MAML2: variants seen among roughly 807,000 people sequenced by gnomAD.
MAML2 encodes mastermind like transcriptional coactivator 2.
MAML2 carries 22 observed loss-of-function variants against 96.1 expected under a neutral mutation model. The ratio of observed to expected loss-of-function variants is 0.23; its 90% CI spans 0.16 to 0.33. The LOEUF (loss-of-function observed/expected upper bound fraction) is 0.33, where lower values mean the gene tolerates loss of function less well. MAML2 is among the 10% of genes least tolerant of loss of function. The probability of loss-of-function intolerance (pLI) is 1.00; values close to 1 mark genes in which losing one functional copy is unlikely to be tolerated. For synonymous variants in MAML2, 561 were observed against 521.3 expected, an observed-to-expected ratio of 1.08 and a Z score of -1.04; for missense variants, 1,367 against 1,392.4, an observed-to-expected ratio of 0.98 and a Z score of 0.29.
At chr11:96,026,703 A>T (rs1187617403) in intron 2 of MAML2, among the ~76,000 whole-genome samples, 1 of 152,006 alleles carries the variant, frequency 6.6e-6, no homozygotes, top group African/African-American at 2.4e-5. Context: ...AAAAGAATCC[A>T]TTTATATTTA....
At chr11:96,328,453 C>A (rs1278138347) in intron 1 of MAML2, among the ~76,000 whole-genome samples, 1 of 151,830 alleles carries the variant, frequency 6.6e-6, no homozygotes, top group Admixed American at 6.6e-5. Context: ...TGACCTTGCT[C>A]ACTTTATGCT....
intron 1 of MAML2, among the ~76,000 whole-genome samples, chr11:96,141,814 T>C (rs769255669): frequency 2.5e-4 from 38 of 152,204 alleles, no homozygotes; most frequent in Non-Finnish European, 5.1e-4. Flanking sequence ...ACCGCCTCCA[T>C]GTCCACATCG....
intron 1 of MAML2, among the ~76,000 whole-genome samples, chr11:96,137,653 A>G (rs186910961): frequency 2.8e-4 from 43 of 152,316 alleles, no homozygotes; most frequent in Non-Finnish European, 2.4e-4. Context: ...CTCCATTTTA[A>G]TATACTACAC....
At chr11:96,128,160 G>C (rs1446416475) in intron 1 of MAML2, among the ~76,000 whole-genome samples, 1 of 152,086 alleles carries the variant, frequency 6.6e-6, no homozygotes, top group African/African-American at 2.4e-5. Context: ...TTGGGAGGCC[G>C]AGGCGGGTGG....
intron 1 of MAML2, among the ~76,000 whole-genome samples, chr11:96,196,114 T>C (rs1861726610): frequency 6.6e-6 from 1 of 152,168 alleles, no homozygotes. Context: ...AACAATTACA[T>C]TGTTAGAGAG....
chr11:95,989,363 C>G (rs763328961), intron 3 of MAML2, among the ~76,000 whole-genome samples: 12 of 152,236 alleles, frequency 7.9e-5, no homozygotes, highest in Non-Finnish European at 1.5e-4. Context: ...CATTCTCATT[C>G]ATCTCACAGT....
chr11:96,323,305 T>C (rs903562952), intron 1 of MAML2, among the ~76,000 whole-genome samples: 1 of 152,164 alleles, frequency 6.6e-6, no homozygotes, highest in Non-Finnish European at 1.5e-5. Context: ...ATCCATTTTT[T>C]TTAAACACAT....
At chr11:96,232,025 T>A (rs1862300310) in intron 1 of MAML2, among the ~76,000 whole-genome samples, 1 of 152,212 alleles carries the variant, frequency 6.6e-6, no homozygotes. Flanking sequence ...AACTAATAAA[T>A]TAGAATCAAT....
chr11:96,218,163 C>G (rs1296533855), intron 1 of MAML2, among the ~76,000 whole-genome samples: 1 of 152,164 alleles, frequency 6.6e-6, no homozygotes, highest in Non-Finnish European at 1.5e-5. Context: ...CTAGAAAAAA[C>G]GTTTGGTGTG....
chr11:96,259,844 T>C (rs935228334), intron 1 of MAML2, among the ~76,000 whole-genome samples: 3 of 152,128 alleles, frequency 2.0e-5, no homozygotes, highest in African/African-American at 7.2e-5. Flanking sequence ...TGACAGGGCC[T>C]GATTCTAGAG....
intron 1 of MAML2, among the ~76,000 whole-genome samples, chr11:96,213,027 G>A (rs539717968): frequency 6.6e-6 from 1 of 152,258 alleles, no homozygotes; most frequent in South Asian, 2.1e-4. Flanking sequence ...AGCATACCAA[G>A]AGCCCATCTG....
intron 1 of MAML2, among the ~76,000 whole-genome samples, chr11:96,163,127 C>T (rs1009619000): frequency 6.6e-5 from 10 of 152,248 alleles, no homozygotes; most frequent in South Asian, 6.2e-4. Flanking sequence ...ATAAACGTTC[C>T]GTAGTTTAAA....
intron 1 of MAML2, among the ~76,000 whole-genome samples, chr11:96,243,974 C>T (rs1219315934): frequency 1.3e-5 from 2 of 152,252 alleles, no homozygotes; most frequent in Non-Finnish European, 2.9e-5. Flanking sequence ...CATAGGTACT[C>T]AGGTCCGCTG....
intron 1 of MAML2, among the ~76,000 whole-genome samples, chr11:96,165,769 A>G (rs1440107701): frequency 1.3e-5 from 2 of 152,254 alleles, no homozygotes; most frequent in Admixed American, 6.5e-5. Context: ...CCTGGGGGCA[A>G]CCCAGGGTAT....
At chr11:96,299,497 T>C (rs1863356662) in intron 1 of MAML2, among the ~76,000 whole-genome samples, 1 of 152,046 alleles carries the variant, frequency 6.6e-6, no homozygotes, top group South Asian at 2.1e-4. Context: ...CTGGAGCAGC[T>C]GAGACTCTCC....
intron 2 of MAML2, 74 bp downstream of exon 2, chr11:96,091,818 A>G: frequency 6.6e-7 from 1 of 1,526,230 alleles, no homozygotes; most frequent in Non-Finnish European, 8.8e-7. Flanking sequence ...ATACAAACAT[A>G]ATGGTAACCA....
intron 1 of MAML2, among the ~76,000 whole-genome samples, chr11:96,213,476 T>G (rs940935977): frequency 2.0e-5 from 3 of 152,224 alleles, no homozygotes; most frequent in African/African-American, 7.2e-5. Flanking sequence ...AAACCACTGT[T>G]ACTCTTATAA....
intron 1 of MAML2, among the ~76,000 whole-genome samples, chr11:96,273,900 C>G (rs1278667678): frequency 6.6e-6 from 1 of 152,020 alleles, no homozygotes; most frequent in Non-Finnish European, 1.5e-5. Flanking sequence ...ATTTACTAAA[C>G]TCTTTGGATT....
At chr11:96,191,526 G>C (rs1226626316) in intron 1 of MAML2, among the ~76,000 whole-genome samples, 1 of 149,746 alleles carries the variant, frequency 6.7e-6, no homozygotes, top group Non-Finnish European at 1.5e-5. Context: ...CGTAATCCCA[G>C]CACTTTGGGA....
Sources: gnomAD v4.1 joint callset for allele counts (sites outside exome capture counted in the v4.1 genomes callset) on GRCh38, gnomAD v4.1.1 for gene constraint, MANE v1.5 for transcripts, NCBI Gene and HGNC (gene_info 2026-07-23, HGNC 2026-07-21) for gene names.